MAGI2: variants seen among roughly 807,000 people sequenced by gnomAD.
MAGI2 encodes membrane associated guanylate kinase, WW and PDZ domain containing 2, also known as membrane-associated guanylate kinase, WW and PDZ domain-containing protein 2.
MAGI2 carries 35 observed loss-of-function variants against 133.3 expected under a neutral mutation model. The observed-to-expected ratio is 0.26, with a 90% CI of 0.20 to 0.35. MAGI2 has a LOEUF of 0.35. MAGI2 is among the 10% of genes least tolerant of loss of function. The probability of loss-of-function intolerance (pLI) is 1.00; values close to 1 mark genes in which losing one functional copy is unlikely to be tolerated. For missense variants in MAGI2, 1,636 were observed against 1,863.4 expected (o/e 0.88, Z 2.25); for synonymous variants, 729 against 710.6 (o/e 1.03, Z -0.41).
At chr7:79,077,498 C>G (rs549281340) in intron 1 of MAGI2, among the ~76,000 whole-genome samples, 2 of 146,010 alleles carry the variant, frequency 1.4e-5, no homozygotes, top group African/African-American at 5.0e-5. Flanking sequence ...TGGTGTGAAC[C>G]TGGCCGGTGG....
At chr7:78,711,571 G>A (rs991503292) in intron 2 of MAGI2, among the ~76,000 whole-genome samples, 6 of 150,180 alleles carry the variant, frequency 4.0e-5, no homozygotes, top group Non-Finnish European at 8.9e-5. Context: ...GAAATGTTAT[G>A]TTCAAAAATT....
chr7:78,894,089 A>C (rs1797004388), intron 2 of MAGI2, among the ~76,000 whole-genome samples: 1 of 152,220 alleles, frequency 6.6e-6, no homozygotes. Context: ...AAAAGAAAGT[A>C]ACCAGATGAT....
chr7:79,189,875 T>C (rs1350982696), intron 1 of MAGI2, among the ~76,000 whole-genome samples: 2 of 151,800 alleles, frequency 1.3e-5, no homozygotes, highest in African/African-American at 4.8e-5. Context: ...AATCATAAAG[T>C]ATGCAATCTT....
chr7:78,846,337 G>A (rs1230125037), intron 2 of MAGI2, among the ~76,000 whole-genome samples: 7 of 151,852 alleles, frequency 4.6e-5, no homozygotes, highest in Non-Finnish European at 1.5e-5. Flanking sequence ...TTAATACACC[G>A]CAATTTTTAA....
At chr7:78,955,990 C>T (rs17151738) in intron 2 of MAGI2, among the ~76,000 whole-genome samples, 2,430 of 151,856 alleles carry the variant, frequency 0.016, 45 homozygotes, top group African/African-American at 0.049. Flanking sequence ...TTGTGGTACA[C>T]TCTGCTAAGT....
intron 6 of MAGI2, among the ~76,000 whole-genome samples, chr7:78,477,506 C>T (rs1445008523): frequency 6.6e-6 from 1 of 151,822 alleles, no homozygotes; most frequent in Non-Finnish European, 1.5e-5. Context: ...TTCACAGTTC[C>T]ACATGGCTGG....
intron 9 of MAGI2, among the ~76,000 whole-genome samples, chr7:78,299,568 T>C (rs1298916291): frequency 6.6e-6 from 1 of 152,182 alleles, no homozygotes; most frequent in Non-Finnish European, 1.5e-5. Context: ...GTGTTATATA[T>C]GGGTGATTTT....
At chr7:79,088,055 T>C (rs1363675385) in intron 1 of MAGI2, among the ~76,000 whole-genome samples, 1 of 152,128 alleles carries the variant, frequency 6.6e-6, no homozygotes, top group African/African-American at 2.4e-5. Context: ...TTGATAGGGA[T>C]AGCATTGAAA....
At chr7:79,233,158 A>G (rs1831529049) in intron 1 of MAGI2, among the ~76,000 whole-genome samples, 1 of 135,150 alleles carries the variant, frequency 7.4e-6, no homozygotes, top group African/African-American at 2.8e-5. Context: ...GGTCTGAGAG[A>G]TAGTTTGTTA....
chr7:78,889,476 G>C (rs537034775), intron 2 of MAGI2, among the ~76,000 whole-genome samples: 12 of 152,190 alleles, frequency 7.9e-5, no homozygotes, highest in African/African-American at 2.9e-4. Flanking sequence ...GGCAGCCAGA[G>C]AGAAAGGTCG....
chr7:78,241,100 A>G (rs1338080790), intron 10 of MAGI2, among the ~76,000 whole-genome samples: 1 of 151,998 alleles, frequency 6.6e-6, no homozygotes, highest in African/African-American at 2.4e-5. Flanking sequence ...CCGTATTTCC[A>G]GCACCTAGAC....
chr7:78,196,254 T>C (rs879484418), intron 11 of MAGI2, among the ~76,000 whole-genome samples: 16 of 152,060 alleles, frequency 1.1e-4, no homozygotes, highest in Non-Finnish European at 1.9e-4. Context: ...CTGACCGCCC[T>C]GTCCCTCCTG....
intron 2 of MAGI2, among the ~76,000 whole-genome samples, chr7:78,978,765 G>A (rs1020939220): frequency 1.3e-5 from 2 of 151,876 alleles, no homozygotes; most frequent in Non-Finnish European, 2.9e-5. Context: ...GGGTCGGGGA[G>A]CAATGAGCTA....
chr7:79,056,519 T>TTAGA (rs1402795322), intron 1 of MAGI2, among the ~76,000 whole-genome samples: 1 of 152,202 alleles, frequency 6.6e-6, no homozygotes, highest in Non-Finnish European at 1.5e-5. Flanking sequence ...TTTCTGCCTG[T>TTAGA]TAGAATTCAT....
intron 6 of MAGI2, among the ~76,000 whole-genome samples, chr7:78,422,789 T>C (rs1313669961): frequency 2.6e-5 from 4 of 152,196 alleles, no homozygotes; most frequent in African/African-American, 9.7e-5. Flanking sequence ...TTTAAATTTA[T>C]TCCCATTAAA....
Position 79,314,081 on chromosome 7 carries a change from CTCCTG to C in MAGI2, c.301+138934_301+138938del, listed in dbSNP as rs1478427505. On this transcript the variant is annotated intron_variant, in intron 1 of 21. Transcript: ENST00000354212. ...CTCTGCCTCCTAGGTTCAAGTGATT[CTCCTG>C]CCTCAGCCTCCAGAGTAGTTGGGAT... Among the ~76,000 whole-genome samples the C allele has an allele frequency of 1.9e-4, 29 of 152,302 alleles. No individual in the cohort carries two copies. The East Asian group carries it at 5.0e-3, about 26-fold the overall frequency.
chr7:78,701,840 A>T (rs1818108837), intron 2 of MAGI2, among the ~76,000 whole-genome samples: 1 of 151,966 alleles, frequency 6.6e-6, no homozygotes, highest in Non-Finnish European at 1.5e-5. Flanking sequence ...ACCATACTAA[A>T]TTTTATCATT....
At chr7:78,409,514 G>T (rs1201404982) in intron 6 of MAGI2, among the ~76,000 whole-genome samples, 10 of 152,094 alleles carry the variant, frequency 6.6e-5, no homozygotes, top group Admixed American at 1.3e-4. Context: ...CTTTGAAGAA[G>T]TAAGAGGTAG....
intron 1 of MAGI2, among the ~76,000 whole-genome samples, chr7:79,380,218 G>A (rs1400714331): frequency 6.6e-6 from 1 of 151,764 alleles, no homozygotes; most frequent in African/African-American, 2.4e-5. Context: ...GCAACCTACA[G>A]AATGGGAGAA....
Sources: gnomAD v4.1 joint callset for allele counts (sites outside exome capture counted in the v4.1 genomes callset) on GRCh38, gnomAD v4.1.1 for gene constraint, MANE v1.5 for transcripts, NCBI Gene and HGNC (gene_info 2026-07-23, HGNC 2026-07-21) for gene names.